The following ADGRG7 variants were observed in gnomAD, a reference collection of about 807,000 sequenced individuals.
ADGRG7 encodes the protein G-protein coupled receptor 128.
A neutral mutation model predicts 88.6 loss-of-function variants in ADGRG7; 82 were observed. The observed-to-expected ratio is 0.93, with a 90% CI of 0.77 to 1.11. ADGRG7 has a LOEUF of 1.11. Ranked by LOEUF, ADGRG7 falls within the 50% of genes most tolerant of loss-of-function variation. ADGRG7 has a pLI of 0.00. For missense variants in ADGRG7, 945 were observed against 953.4 expected (o/e 0.99, Z 0.12); for synonymous variants, 381 against 345.2 (o/e 1.10, Z -1.15).
chr3:100,629,623 C>T lies in ADGRG7; in HGVS notation c.141C>T (p.Thr47=), dbSNP rs776341133. 8 of 1,612,364 alleles carry T rather than the reference C, an allele frequency of 5.0e-6. No homozygotes were observed. The African/African-American group carries it at 1.1e-4, about 22-fold the overall frequency. The change falls in exon 2 of 16, where the codon ACC becomes ACT. Residue 47 remains threonine (T), a synonymous_variant. Coordinates refer to ENST00000273352, the MANE Select transcript of ADGRG7 (RefSeq NM_032787.3). The part of the protein sequence containing the change: ...QRGKSTSSSS[T]PTEFCRNGGT... ...GAAAATCTACTTCCTCATCAAGCAC[C>T]CCTACAGAGTTCTGCAGGAATGGTG...
intron 13 of ADGRG7, among the ~76,000 whole-genome samples, chr3:100,658,758 C>T (rs545264581): frequency 6.2e-4 from 95 of 152,260 alleles, no homozygotes; most frequent in African/African-American, 2.2e-3. Flanking sequence ...ACCTGATTTA[C>T]TTTTTCTCCA....
In ADGRG7 at chr3:100,655,948, G is replaced by T. The variant is rs969590060; in HGVS notation, c.1776G>T (p.Gln592His). Residue 592 changes from glutamine to histidine, a missense_variant, in exon 13 of 16, where the codon CAG becomes CAT. By Grantham distance (24) the Gln-to-His change is conservative. Coordinates refer to ENST00000273352, the MANE Select transcript of ADGRG7 (RefSeq NM_032787.3). ...TAACAGTGGGAGTTATTTATTCTCA[G>T]AATGGAAATAATCCACAGTGGGAAT... ...VAITVGVIYS[Q>H]NGNNPQWELD... 2.1e-5 allele frequency: 34 copies of T among 1,610,186 alleles called. No homozygotes were observed. Among genetic ancestry groups the T allele is most frequent in the Non-Finnish European group, 2.5e-5 (29 of 1,176,784 alleles).
intron 1 of ADGRG7, among the ~76,000 whole-genome samples, chr3:100,617,462 A>G (rs603630): frequency 0.29 from 43,500 of 149,512 alleles, 6,679 homozygotes; most frequent in Non-Finnish European, 0.34. Flanking sequence ...GAGTGAGAAC[A>G]TGCGGTGCTT....
intron 1 of ADGRG7, among the ~76,000 whole-genome samples, chr3:100,623,862 C>T (rs988072020): frequency 5.3e-5 from 8 of 152,118 alleles, no homozygotes; most frequent in African/African-American, 1.9e-4. Flanking sequence ...CATCCATGTC[C>T]CTGCAATGGA....
chr3:100,687,477 A>G (rs1340307493), intron 15 of ADGRG7, among the ~76,000 whole-genome samples: 1 of 152,150 alleles, frequency 6.6e-6, no homozygotes, highest in Admixed American at 6.5e-5. Flanking sequence ...GAATGCTTCC[A>G]GTTTTTGCCC....
chr3:100,669,597 G>C (rs114159898), intron 15 of ADGRG7, among the ~76,000 whole-genome samples: 1 of 148,842 alleles, frequency 6.7e-6, no homozygotes, highest in East Asian at 2.0e-4. Context: ...TATATTTATG[G>C]AGTACAAGAG....
At chr3:100,635,459 T>G in intron 4 of ADGRG7, 1 of 1,024,480 alleles carries the variant, frequency 9.8e-7, no homozygotes, top group South Asian at 2.2e-5. Flanking sequence ...CCCTTATAGT[T>G]AATCAATCCT....
intron 14 of ADGRG7, among the ~76,000 whole-genome samples, chr3:100,666,017 C>T (rs147541592): frequency 6.0e-5 from 9 of 150,998 alleles, no homozygotes; most frequent in East Asian, 5.9e-4. Context: ...TCTGTCTTGA[C>T]GGGCTTGGAT....
intron 14 of ADGRG7, among the ~76,000 whole-genome samples, chr3:100,666,467 C>A (rs1029898463): frequency 6.6e-6 from 1 of 152,344 alleles, no homozygotes; most frequent in South Asian, 2.1e-4. Flanking sequence ...TATGCATACA[C>A]ATAAACATCT....
chr3:100,637,268 G>C (rs749215113), intron 5 of ADGRG7, 34 bp from the exon 6 acceptor site: 1 of 1,329,154 alleles, frequency 7.5e-7, no homozygotes, highest in African/African-American at 1.4e-5. Context: ...TATGATATAT[G>C]CTTCTCTGAT....
chr3:100,617,093 C>T (rs576600748), intron 1 of ADGRG7, among the ~76,000 whole-genome samples: 1 of 151,788 alleles, frequency 6.6e-6, no homozygotes, highest in East Asian at 1.9e-4. Context: ...TTCAAGTAGG[C>T]AAAGCAAAAA....
At chr3:100,613,549 A>G (rs998314524) in intron 1 of ADGRG7, among the ~76,000 whole-genome samples, 1 of 152,130 alleles carries the variant, frequency 6.6e-6, no homozygotes, top group African/African-American at 2.4e-5. Flanking sequence ...AAAAAAAAAA[A>G]AAGTCTATTA....
At chr3:100,664,972 A>C (rs561312392) in intron 14 of ADGRG7, 3 of 364,630 alleles carry the variant, frequency 8.2e-6, no homozygotes, top group African/African-American at 6.5e-5. Flanking sequence ...ATGCATTTTT[A>C]GACACAAATA....
intron 1 of ADGRG7, among the ~76,000 whole-genome samples, chr3:100,625,103 T>C (rs924480356): frequency 6.6e-6 from 1 of 152,222 alleles, no homozygotes; most frequent in South Asian, 2.1e-4. Context: ...GCGAATAGAA[T>C]TGAATCTATG....
chr3:100,687,772 G>C (rs865840987), intron 15 of ADGRG7, among the ~76,000 whole-genome samples: 2 of 152,138 alleles, frequency 1.3e-5, no homozygotes, highest in Admixed American at 6.5e-5. Flanking sequence ...TGCTGGATTC[G>C]GTTTGCCAGT....
intron 15 of ADGRG7, among the ~76,000 whole-genome samples, chr3:100,690,308 C>T (rs577205812): frequency 1.3e-5 from 2 of 151,778 alleles, no homozygotes; most frequent in East Asian, 3.9e-4. Context: ...ACTTCTTTGC[C>T]ATGGGTTCGA....
intron 10 of ADGRG7, 34 bp downstream of exon 10, chr3:100,646,758 A>C (rs1707757294): frequency 6.3e-7 from 1 of 1,576,676 alleles, no homozygotes; most frequent in Admixed American, 1.7e-5. Context: ...TTTCCAGATG[A>C]GAATTTTCCT....
chr3:100,671,437 A>G (rs1206719844), intron 15 of ADGRG7, among the ~76,000 whole-genome samples: 2 of 152,126 alleles, frequency 1.3e-5, no homozygotes, highest in African/African-American at 2.4e-5. Context: ...AGTTCTTTGT[A>G]GATTCTGGAT....
intron 11 of ADGRG7, among the ~76,000 whole-genome samples, chr3:100,650,100 A>AT (rs1203193902): frequency 6.6e-6 from 1 of 152,262 alleles, no homozygotes; most frequent in Non-Finnish European, 1.5e-5. Flanking sequence ...TCAGTGTTGA[A>AT]TAGAACCATG....
Sources: gnomAD v4.1 joint callset for allele counts (sites outside exome capture counted in the v4.1 genomes callset) on GRCh38, gnomAD v4.1.1 for gene constraint, MANE v1.5 for transcripts, NCBI Gene and HGNC (gene_info 2026-07-23, HGNC 2026-07-21) for gene names.